MDP1: variants seen among roughly 807,000 people sequenced by gnomAD.
MDP1 encodes magnesium-dependent phosphatase 1.
MDP1 carries 18 observed loss-of-function variants against 21.6 expected under a neutral mutation model. The ratio of observed to expected loss-of-function variants is 0.83; its 90% CI spans 0.58 to 1.24. The LOEUF (loss-of-function observed/expected upper bound fraction) is 1.24. Among genes scored for constraint, MDP1 ranks in the 50% most tolerant of loss-of-function variants. MDP1 has a pLI of 0.00. For synonymous variants in MDP1, 101 were observed against 83.2 expected (o/e 1.21, Z -1.16); for missense variants, 207 against 218.6 (o/e 0.95, Z 0.33).
chr14:24,215,685 C>T (rs770750463), intron 2 of MDP1, 23 bp from the exon 3 acceptor site: 1 of 1,614,192 alleles, frequency 6.2e-7, no homozygotes, highest in South Asian at 1.1e-5. Flanking sequence ...AGAGTGCGCT[C>T]AGCCCTGGCT....
rs530602027 is a variant in MDP1 at position 24,216,005 on chromosome 14, C to T, written c.-50G>A. On this transcript the variant is annotated 5_prime_UTR_variant, in exon 1 of 6. Transcript: ENST00000288087. ...GCAGAGGTGGGGCTTCACCCGGGGC[C>T]TTAGAGAGTGCGGAACCTCCGGCAG... 4.3e-6 allele frequency: 7 copies of T among 1,612,810 alleles called. No individual in the cohort carries two copies. In the South Asian group the frequency reaches 6.6e-5, roughly 15 times the overall value.
At chr14:24,215,081 C>CTTT (rs907932145) in intron 3 of MDP1, among the ~76,000 whole-genome samples, 28 of 111,268 alleles carry the variant, frequency 2.5e-4, no homozygotes, top group African/African-American at 6.0e-4. Flanking sequence ...TCTGGCCCCA[C>CTTT]TTTTTTTTTT....
At position 24,214,320 on chromosome 14, in the gene MDP1, G is replaced by A. The variant is rs768962135; in HGVS notation, c.393C>T (p.Val131=). Residue 131 remains valine (V), a synonymous_variant, in exon 5 of 6, where the codon GTC becomes GTT. Coordinates refer to ENST00000288087, the MANE Select transcript of MDP1 (RefSeq NM_138476.4). ...CTCATCACTCAGTACCCAGTTTGCT[G>A]ACGTCTACAATATTCCGCCTCTCAT... The part of the protein sequence containing the change: ...FDDERRNIVD[V]SKLGVTCIHI... 1.2e-6 allele frequency: 2 copies of A among 1,614,154 alleles called. No homozygotes were observed. Among genetic ancestry groups the A allele is most frequent in the Non-Finnish European group, 1.7e-6 (2 of 1,180,036 alleles).
intron 4 of MDP1, 40 bp downstream of exon 4, chr14:24,214,452 T>C: frequency 3.1e-6 from 5 of 1,614,234 alleles, no homozygotes; most frequent in Non-Finnish European, 4.2e-6. Context: ...CAGGCCTCTC[T>C]GATACTTTCT....
At position 24,215,949 on chromosome 14, in the gene MDP1, G is replaced by A. The variant is rs753934128; in HGVS notation, c.7C>T (p.Arg3Trp). Reference sequence around the variant, plus strand: ...TCAAAGACTGCCAGCTTCGGTAGCCGCGCCATGACCCGCACCGCAGGCTGC... The same window carrying A: ...TCAAAGACTGCCAGCTTCGGTAGCCACGCCATGACCCGCACCGCAGGCTGC... MA[R>W]LPKLAVFDLD... Residue 3 changes from arginine (R) to tryptophan (W), a missense_variant, in exon 1 of 6, where the codon CGG becomes TGG. By Grantham distance (101) the Arg-to-Trp change is moderately radical (BLOSUM62 -3). Coordinates refer to ENST00000288087, the MANE Select transcript of MDP1 (RefSeq NM_138476.4). 1.9e-6 allele frequency: 3 copies of A among 1,614,166 alleles called. No homozygotes were observed. The highest frequency in any genetic ancestry group is 2.2e-5 in the South Asian group (2 of 91,088).
At chr14:24,215,013 A>T (rs1442371847) in intron 3 of MDP1, among the ~76,000 whole-genome samples, 1 of 150,502 alleles carries the variant, frequency 6.6e-6, no homozygotes, top group African/African-American at 2.5e-5. Flanking sequence ...CCTGGGCTCA[A>T]GTGATCCTCC....
chr14:24,214,181 A>C (rs2039633074), intron 5 of MDP1, 30 bp from the exon 6 acceptor site: 1 of 1,607,018 alleles, frequency 6.2e-7, no homozygotes, highest in African/African-American at 1.3e-5. Flanking sequence ...CATTTCATTA[A>C]GCTTTCAGGG....
rs181484047 is a variant in MDP1 at position 24,215,884 on chromosome 14, G to A, written c.37+35C>T. The A allele has an allele frequency of 7.8e-5, 126 of 1,614,184 alleles. No homozygotes were observed. In the Admixed American group the frequency reaches 8.5e-4, roughly 11 times the overall value. ...GCTGTTAGGGATGTGGAAAAGGAGA[G>A]CACCTTACGAAATTCTCCCCTTCCC... On this transcript the variant is annotated intron_variant, in intron 1 of 5. Coordinates refer to ENST00000288087, the MANE Select transcript of MDP1 (RefSeq NM_138476.4).
At chr14:24,214,176 C>A in intron 5 of MDP1, 25 bp from the exon 6 acceptor site, 1 of 1,606,994 alleles carries the variant, frequency 6.2e-7, no homozygotes, top group Non-Finnish European at 8.5e-7. Flanking sequence ...AGTCACATTT[C>A]ATTAAGCTTT....
Position 24,216,057 on chromosome 14 carries a change from G to T in MDP1, c.-102C>A. On this transcript the variant is annotated 5_prime_UTR_variant, in exon 1 of 6. Transcript: ENST00000288087. The stretch of plus-strand genomic sequence containing the variant: ...TAAGGCAGCCACCCTGCCTGCCATA[G>T]ACAAATGGCGACTAGAGCGTCGCCA... The T allele has an allele frequency of 6.8e-7, 1 of 1,476,600 alleles. No individual in the cohort carries two copies. Among genetic ancestry groups the T allele is most frequent in the Non-Finnish European group, 9.4e-7 (1 of 1,069,480 alleles). The allele number at this position is 1,476,600 out of a possible 1,614,324, so 91.5% of individuals were successfully genotyped here.
At chr14:24,215,036 C>T (rs1427157516) in intron 3 of MDP1, among the ~76,000 whole-genome samples, 1 of 151,650 alleles carries the variant, frequency 6.6e-6, no homozygotes, top group East Asian at 1.9e-4. Context: ...CCTAGGCCTC[C>T]CAAAATGCTA....
chr14:24,214,458 T>C (rs2039640482), intron 4 of MDP1, 34 bp downstream of exon 4: 1 of 1,614,202 alleles, frequency 6.2e-7, no homozygotes, highest in East Asian at 2.2e-5. Context: ...TCTCTGATAC[T>C]TTCTCACCCT....
In MDP1 at chr14:24,215,912, C is replaced by A. The variant is rs573871509; in HGVS notation, c.37+7G>T. ...CCTTACGAAATTCTCCCCTTCCCGT[C>A]CCTCACCCAAATCAAAGACTGCCAG... On this transcript the variant is annotated splice_region_variant and intron_variant, in intron 1 of 5. Transcript: ENST00000288087. 2 of 1,614,098 alleles carry A rather than the reference C, an allele frequency of 1.2e-6. No individual in the cohort carries two copies. The highest frequency in any genetic ancestry group is 1.1e-5 in the South Asian group (1 of 91,082).
chr14:24,215,820 G>C (rs200913312), intron 1 of MDP1, 23 bp from the exon 2 acceptor site: 3 of 1,614,214 alleles, frequency 1.9e-6, no homozygotes, highest in Non-Finnish European at 2.5e-6. Flanking sequence ...GGAGAGGGAA[G>C]GTTCAGCCTG....
At chr14:24,215,228 G>A (rs1280144147) in intron 3 of MDP1, among the ~76,000 whole-genome samples, 1 of 151,790 alleles carries the variant, frequency 6.6e-6, no homozygotes, top group Non-Finnish European at 1.5e-5. Context: ...TAGGATTACA[G>A]GTGCGTGCCA....
In MDP1 at chr14:24,215,625, G is replaced by A. The variant is rs190711050; in HGVS notation, c.136C>T (p.Arg46Ter). The A allele has an allele frequency of 8.7e-6, 14 of 1,614,120 alleles. No individual in the cohort carries two copies. The highest frequency in any genetic ancestry group is 1.6e-4 in the Middle Eastern group (1 of 6,062). ...ACCTCAGGCACCTCTGGGTACAGTC[G>A]GACGTCTTGGCCCCGCCTATCTCGT... is the stretch of plus-strand genomic sequence containing the variant. The part of the protein sequence containing the change: ...TVRDRRGQDV[R>*]LYPEVPEVLK... The change falls in exon 3 of 6, where the codon CGA (arginine) becomes TGA (stop). Residue 46 changes from arginine to a stop codon, truncating the protein, a stop_gained. Transcript: ENST00000288087. LOFTEE classifies it high-confidence loss of function.
At chr14:24,214,443 A>G in intron 4 of MDP1, 48 bp from the exon 5 acceptor site, 1 of 1,614,182 alleles carries the variant, frequency 6.2e-7, no homozygotes, top group East Asian at 2.2e-5. Flanking sequence ...TTGGTTTCCC[A>G]GGCCTCTCTG....
At chr14:24,214,267 C>A (rs936247414) in intron 5 of MDP1, 43 bp downstream of exon 5, 1 of 1,613,898 alleles carries the variant, frequency 6.2e-7, no homozygotes, top group East Asian at 2.2e-5. Flanking sequence ...TCTACCTAAT[C>A]CCTCCTAGGG....
chr14:24,215,869 A>T (rs752827245), intron 1 of MDP1, 50 bp downstream of exon 1: 8 of 1,614,068 alleles, frequency 5.0e-6, no homozygotes. Flanking sequence ...GCTGTTAGGG[A>T]TGTGGAAAAG....
Sources: allele counts gnomAD v4.1 joint callset (sites outside exome capture counted in the v4.1 genomes callset), GRCh38; gene constraint gnomAD v4.1.1; transcripts MANE v1.5; gene names NCBI Gene and HGNC (gene_info 2026-07-23, HGNC 2026-07-21).